The following IDE variants were observed in gnomAD, a reference collection of about 807,000 sequenced individuals.
IDE encodes the protein insulin degrading enzyme.
Under a neutral mutation model 133.2 loss-of-function variants are expected in IDE, and 58 were observed. The ratio of observed to expected loss-of-function variants is 0.44; its 90% CI spans 0.35 to 0.54. The LOEUF (loss-of-function observed/expected upper bound fraction) is 0.54, where lower values mean the gene tolerates loss of function less well. Among genes scored for constraint, IDE ranks in the 20% least tolerant of loss-of-function variants. The pLI is 0.00. For synonymous variants in IDE, 396 were observed against 421.3 expected, an observed-to-expected ratio of 0.94 and a Z score of 0.73; for missense variants, 981 against 1,234.0, an observed-to-expected ratio of 0.79 and a Z score of 3.07.
intron 19 of IDE, among the ~76,000 whole-genome samples, chr10:92,467,065 T>C (rs1303603113): frequency 1.3e-5 from 2 of 152,036 alleles, no homozygotes; most frequent in South Asian, 2.1e-4. Context: ...ATCTCCTTTA[T>C]AATGCTTGAA....
chr10:92,553,601 A>G (rs969556533), intron 1 of IDE, among the ~76,000 whole-genome samples: 1 of 152,140 alleles, frequency 6.6e-6, no homozygotes, highest in Non-Finnish European at 1.5e-5. Flanking sequence ...ACATTTAGCC[A>G]GACTAAGAAA....
chr10:92,519,376 T>C (rs998782501), intron 4 of IDE, among the ~76,000 whole-genome samples: 1 of 152,250 alleles, frequency 6.6e-6, no homozygotes, highest in Non-Finnish European at 1.5e-5. Flanking sequence ...CAAATTAAAA[T>C]GCTGCTACTT....
chr10:92,506,861 T>G (rs1448713509), intron 9 of IDE, among the ~76,000 whole-genome samples: 1 of 152,178 alleles, frequency 6.6e-6, no homozygotes, highest in African/African-American at 2.4e-5. Flanking sequence ...AAGAACCTTG[T>G]GAGATCCAAC....
chr10:92,559,444 A>AT (rs1215252004), intron 1 of IDE, among the ~76,000 whole-genome samples: 59 of 152,364 alleles, frequency 3.9e-4, no homozygotes, highest in African/African-American at 1.4e-3. Flanking sequence ...AGTACTAAAA[A>AT]GGAATGAAGT....
chr10:92,475,594 G>C (rs1846212940), intron 16 of IDE, among the ~76,000 whole-genome samples: 1 of 152,016 alleles, frequency 6.6e-6, no homozygotes, highest in Admixed American at 6.5e-5. Flanking sequence ...CATTCAAGGA[G>C]GCCCTGACAG....
At chr10:92,557,919 G>A (rs987642478) in intron 1 of IDE, among the ~76,000 whole-genome samples, 1 of 148,030 alleles carries the variant, frequency 6.8e-6, no homozygotes, top group African/African-American at 2.5e-5. Context: ...CAATGAGGAA[G>A]GACTAGTCTT....
At chr10:92,543,144 A>C (rs1589513504) in intron 1 of IDE, among the ~76,000 whole-genome samples, 3 of 152,362 alleles carry the variant, frequency 2.0e-5, no homozygotes, top group African/African-American at 7.2e-5. Context: ...TACAAACCAA[A>C]ACCTCCCTTC....
chr10:92,507,231 G>A (rs1360236435), intron 9 of IDE, among the ~76,000 whole-genome samples: 1 of 152,020 alleles, frequency 6.6e-6, no homozygotes, highest in Admixed American at 6.6e-5. Flanking sequence ...ATCTGAAAAC[G>A]ACAGAGCTCA....
In IDE at chr10:92,537,408, G is replaced by A. The variant is rs1266310103; in HGVS notation, c.241C>T (p.Pro81Ser). ...NGIKVLLISD[P>S]TTDKSSAALD... Reference sequence around the variant, plus strand: ...GCTGCTGATGACTTATCCGTGGTGGGATCACTGATAAGAAGTACTTTGATA... The same window carrying A: ...GCTGCTGATGACTTATCCGTGGTGGAATCACTGATAAGAAGTACTTTGATA... Residue 81 changes from proline to serine, a missense_variant, in exon 2 of 25, where the codon CCC (proline) becomes TCC (serine). Pro to Ser is a moderately conservative substitution (Grantham distance 74). Around this residue, in one of 2 missense-constraint regions of IDE, gnomAD observed 321 missense variants for 339.3 expected, o/e 0.95. Coordinates refer to ENST00000265986, the MANE Select transcript of IDE (RefSeq NM_004969.4). The A allele has an allele frequency of 1.2e-6, 2 of 1,612,766 alleles. No homozygotes were observed. Among genetic ancestry groups the A allele is most frequent in the Non-Finnish European group, 1.7e-6 (2 of 1,179,624 alleles).
chr10:92,557,331 T>G (rs2135788725), intron 1 of IDE, among the ~76,000 whole-genome samples: 1 of 149,538 alleles, frequency 6.7e-6, no homozygotes, highest in Non-Finnish European at 1.5e-5. Flanking sequence ...GGTCAGGAGA[T>G]CGAGAACAAC....
chr10:92,566,740 TAA>T (rs1482716603), intron 1 of IDE, among the ~76,000 whole-genome samples: 1 of 152,024 alleles, frequency 6.6e-6, no homozygotes, highest in Non-Finnish European at 1.5e-5. Flanking sequence ...TCAAAATAAC[TAA>T]AAGAGTTTAA....
In IDE at chr10:92,537,431, A is replaced by G. The variant is rs1182176138; in HGVS notation, c.218T>C (p.Ile73Thr). The stretch of plus-strand genomic sequence containing the variant: ...GGGATCACTGATAAGAAGTACTTTG[A>G]TACCATTGGCCAGCTCTAGCCCTCG... The part of the protein sequence containing the change: ...EYRGLELANG[I>T]KVLLISDPTT... The change falls in exon 2 of 25, where the codon ATC becomes ACC. Residue 73 changes from isoleucine (I) to threonine (T), a missense_variant. By Grantham distance (89) the Ile-to-Thr change is moderately conservative. This residue lies in a region of IDE where 321 missense variants were observed against 339.3 expected (regional missense o/e 0.95). Coordinates refer to ENST00000265986, the MANE Select transcript of IDE (RefSeq NM_004969.4). 1 of 1,614,110 alleles carries G rather than the reference A, an allele frequency of 6.2e-7. No homozygotes were observed. Among genetic ancestry groups the G allele is most frequent in the East Asian group, 2.2e-5 (1 of 44,874 alleles).
intron 19 of IDE, among the ~76,000 whole-genome samples, chr10:92,467,491 T>C (rs994581859): frequency 3.9e-5 from 6 of 152,212 alleles, no homozygotes; most frequent in African/African-American, 1.4e-4. Context: ...CTTAGCATTT[T>C]GAGAATGAGA....
At position 92,564,809 on chromosome 10, in the gene IDE, G is replaced by T. The variant is rs1843454267; in HGVS notation, c.98+9113C>A. On this transcript the variant is annotated intron_variant, in intron 1 of 24. Coordinates refer to ENST00000265986, the MANE Select transcript of IDE (RefSeq NM_004969.4). ...GTGATGGCTCATACCTGTAATCCTT[G>T]CTACTTGGGAGGCTAAGCAGAACGA... Among the ~76,000 whole-genome samples the T allele has an allele frequency of 2.7e-5, 4 of 150,184 alleles. No homozygotes were observed. In the South Asian group the frequency reaches 8.4e-4, roughly 31 times the overall value.
At chr10:92,544,384 C>T (rs751159843) in intron 1 of IDE, among the ~76,000 whole-genome samples, 14 of 152,150 alleles carry the variant, frequency 9.2e-5, no homozygotes, top group Non-Finnish European at 1.8e-4. Flanking sequence ...TCGCAGTCAT[C>T]CTCTTCAACT....
At position 92,534,688 on chromosome 10, in the gene IDE, G is replaced by A. The variant is rs753238832; in HGVS notation, c.381C>T (p.Tyr127=). 8 of 1,612,428 alleles carry A rather than the reference G, an allele frequency of 5.0e-6. No homozygotes were observed. The highest frequency in any genetic ancestry group is 6.8e-6 in the Non-Finnish European group (8 of 1,178,712). Residue 127 remains tyrosine, a synonymous_variant, in exon 3 of 25, where the codon TAC becomes TAT. Transcript: ENST00000265986. ...CTGCATGCTCACTGAGAAACTGGCTGTATTCATTTTCTTTAGGGTATTTCT... is the reference window on the plus strand; with the variant it reads ...CTGCATGCTCACTGAGAAACTGGCTATATTCATTTTCTTTAGGGTATTTCT... ...GTKKYPKENE[Y]SQFLSEHAGS...
At chr10:92,505,358 G>T (rs549276057) in intron 10 of IDE, among the ~76,000 whole-genome samples, 13 of 152,196 alleles carry the variant, frequency 8.5e-5, no homozygotes, top group East Asian at 7.7e-4. Flanking sequence ...AAAAAAAAAT[G>T]GCTTATATTT....
intron 1 of IDE, among the ~76,000 whole-genome samples, chr10:92,553,288 G>T (rs1842874920): frequency 6.6e-6 from 1 of 151,926 alleles, no homozygotes. Context: ...GCCAGGTGTG[G>T]TGGCACACGC....
chr10:92,543,294 G>A (rs759750891), intron 1 of IDE, among the ~76,000 whole-genome samples: 87 of 152,188 alleles, frequency 5.7e-4, no homozygotes, highest in Non-Finnish European at 1.1e-3. Context: ...CCTTGCAGAA[G>A]GTAGAGGTAA....
Sources: allele counts gnomAD v4.1 joint callset (sites outside exome capture counted in the v4.1 genomes callset), GRCh38; gene constraint gnomAD v4.1.1; regional missense constraint gnomAD v4.1.1; transcripts MANE v1.5; gene names NCBI Gene and HGNC (gene_info 2026-07-23, HGNC 2026-07-21).